The following ANKRD33B variants were observed in gnomAD, a reference collection of about 807,000 sequenced individuals.
ANKRD33B encodes ankyrin repeat domain 33B.
ANKRD33B carries 6 observed loss-of-function variants against 21.5 expected under a neutral mutation model. The ratio of observed to expected loss-of-function variants is 0.28; its 90% CI spans 0.15 to 0.55. The LOEUF (loss-of-function observed/expected upper bound fraction) is 0.55. ANKRD33B is among the 20% of genes least tolerant of loss of function. The pLI is 0.94. For missense variants in ANKRD33B, 698 were observed against 747.2 expected (o/e 0.93, Z 0.77); for synonymous variants, 347 against 342.4 (o/e 1.01, Z -0.15).
chr5:10,630,390 A>G (rs1482390999), intron 2 of ANKRD33B, among the ~76,000 whole-genome samples: 2 of 152,224 alleles, frequency 1.3e-5, no homozygotes, highest in African/African-American at 4.8e-5. Context: ...AGTCTGGATA[A>G]GTACATTTCA....
chr5:10,575,790 T>TCTTGAAATAATG (rs1401863672), intron 1 of ANKRD33B, among the ~76,000 whole-genome samples: 1 of 152,068 alleles, frequency 6.6e-6, no homozygotes, highest in Non-Finnish European at 1.5e-5. Flanking sequence ...GACGTCACAG[T>TCTTGAAATAATG]CTTGAAATAA....
At chr5:10,605,684 A>G (rs1197174950) in intron 1 of ANKRD33B, among the ~76,000 whole-genome samples, 1 of 152,134 alleles carries the variant, frequency 6.6e-6, no homozygotes, top group Non-Finnish European at 1.5e-5. Flanking sequence ...ACTCGCCACC[A>G]TGCCCAGCTA....
At chr5:10,577,528 G>A (rs777233215) in intron 1 of ANKRD33B, among the ~76,000 whole-genome samples, 1 of 152,198 alleles carries the variant, frequency 6.6e-6, no homozygotes, top group Non-Finnish European at 1.5e-5. Context: ...CTATGCACAG[G>A]CAGCTGTGGT....
At chr5:10,615,463 A>C (rs1208134466) in intron 1 of ANKRD33B, among the ~76,000 whole-genome samples, 2 of 152,230 alleles carry the variant, frequency 1.3e-5, no homozygotes, top group African/African-American at 4.8e-5. Context: ...GGATTTGTTA[A>C]ATAATGACAA....
chr5:10,616,125 G>A (rs1217756928), intron 1 of ANKRD33B, among the ~76,000 whole-genome samples: 1 of 152,202 alleles, frequency 6.6e-6, no homozygotes, highest in Non-Finnish European at 1.5e-5. Flanking sequence ...ATGGATGTCA[G>A]TGTTAGAAAA....
chr5:10,616,220 T>C (rs1469798843), intron 1 of ANKRD33B, among the ~76,000 whole-genome samples: 4 of 152,190 alleles, frequency 2.6e-5, no homozygotes, highest in African/African-American at 7.2e-5. Context: ...CTTATTGAGA[T>C]AAGTGGGCAG....
At chr5:10,618,504 G>C in intron 2 of ANKRD33B, 42 bp downstream of exon 2, 2 of 1,482,428 alleles carry the variant, frequency 1.3e-6, no homozygotes, top group Non-Finnish European at 1.8e-6. Flanking sequence ...GCCGTGGCCA[G>C]AGCACCGCCG....
rs1466435184 is a variant in ANKRD33B at position 10,657,152 on chromosome 5, A to G, written c.*7039A>G. 1 of 152,366 alleles carries G rather than the reference A, an allele frequency of 6.6e-6. No individual in the cohort carries two copies. Among genetic ancestry groups the G allele is most frequent in the African/African-American group, 2.4e-5 (1 of 41,448 alleles). 9.4% of individuals were successfully genotyped at this position (152,366 alleles called of 1,614,324 possible). A position where few individuals can be genotyped will look rare whatever the true frequency, so the allele number is the denominator to read the frequency against. ...ATGGATACACCTGATGAAAACCGCA[A>G]AAGGCGATGACAGGCCCAGAAATAT... On this transcript the variant is annotated 3_prime_UTR_variant, in exon 4 of 4. Coordinates refer to ENST00000296657, the MANE Select transcript of ANKRD33B (RefSeq NM_001164440.2).
rs538773705 is a variant in ANKRD33B, at chr5:10,650,297, G to A, written c.*184G>A. ...AAGAGAGGGCTGAGGGAGCCACATG[G>A]ATTCGCTTGTCGCCAGCCCTCCTAG... On this transcript the variant is annotated 3_prime_UTR_variant, in exon 4 of 4. Coordinates refer to ENST00000296657, the MANE Select transcript of ANKRD33B (RefSeq NM_001164440.2). The A allele has an allele frequency of 5.4e-4, 317 of 590,800 alleles. No individual in the cohort carries two copies. The South Asian group carries it at 9.3e-3, about 17-fold the overall frequency. 36.6% of individuals were successfully genotyped at this position (590,800 alleles called of 1,614,324 possible). A position where few individuals can be genotyped will look rare whatever the true frequency, so the allele number is the denominator to read the frequency against.
rs200011949 is a variant in ANKRD33B, at chr5:10,630,884, AAAG to A, written c.497-7135_497-7133del. On this transcript the variant is annotated intron_variant, in intron 2 of 3. Transcript: ENST00000296657. ...TGAGACTGTGTCAAAAAAAAAAAAAAAAGAAGAAGAAATATAATGCTAATAAAT... is the reference window on the plus strand; with the variant it reads ...TGAGACTGTGTCAAAAAAAAAAAAAAAAGAAGAAATATAATGCTAATAAAT... Among the ~76,000 whole-genome samples, 450 of 151,436 alleles carry A rather than the reference AAAG, an allele frequency of 3.0e-3. 4 individuals are homozygous for A. Among genetic ancestry groups the A allele is most frequent in the Admixed American group, 0.012 (176 of 15,244 alleles).
At chr5:10,612,855 C>T (rs948799425) in intron 1 of ANKRD33B, among the ~76,000 whole-genome samples, 12 of 152,188 alleles carry the variant, frequency 7.9e-5, no homozygotes, top group African/African-American at 2.9e-4. Flanking sequence ...CTCATGGCAG[C>T]CTTTTAGAAA....
intron 1 of ANKRD33B, among the ~76,000 whole-genome samples, chr5:10,617,061 G>A (rs1579737222): frequency 6.6e-6 from 1 of 152,138 alleles, no homozygotes; most frequent in African/African-American, 2.4e-5. Context: ...AGCTCTTGAG[G>A]TCCTTTTTAT....
intron 1 of ANKRD33B, among the ~76,000 whole-genome samples, chr5:10,609,278 T>A (rs1324700535): frequency 2.0e-5 from 3 of 152,224 alleles, no homozygotes; most frequent in Non-Finnish European, 4.4e-5. Context: ...ATCAGCCAGG[T>A]GCAGTAGCTC....
chr5:10,620,914 T>C (rs544950116), intron 2 of ANKRD33B, among the ~76,000 whole-genome samples: 2 of 152,350 alleles, frequency 1.3e-5, no homozygotes, highest in South Asian at 4.1e-4. Context: ...CCCACCAGTT[T>C]TTGCCATTGA....
At chr5:10,589,722 T>C (rs1735642190) in intron 1 of ANKRD33B, among the ~76,000 whole-genome samples, 1 of 152,236 alleles carries the variant, frequency 6.6e-6, no homozygotes, top group Admixed American at 6.5e-5. Context: ...TCTGCCTTCT[T>C]TTTCTAATTT....
intron 2 of ANKRD33B, among the ~76,000 whole-genome samples, chr5:10,632,317 A>G (rs1736740904): frequency 6.6e-6 from 1 of 151,998 alleles, no homozygotes; most frequent in South Asian, 2.1e-4. Flanking sequence ...TGAAAAATTT[A>G]ACATTTTCCC....
chr5:10,640,006 ACGTGGAGTTG>A (rs1335429262), intron 3 of ANKRD33B, among the ~76,000 whole-genome samples: 21 of 77,028 alleles, frequency 2.7e-4, no homozygotes, highest in Non-Finnish European at 5.3e-4. Context: ...TTAGCGGGTG[ACGTGGAGTTG>A]CGCGGCGATG....
intron 1 of ANKRD33B, among the ~76,000 whole-genome samples, chr5:10,614,710 A>C (rs1736245332): frequency 6.6e-6 from 1 of 152,224 alleles, no homozygotes; most frequent in Non-Finnish European, 1.5e-5. Context: ...AACATGGTAA[A>C]ACCCTGTCCC....
At chr5:10,579,815 A>G (rs1257278909) in intron 1 of ANKRD33B, among the ~76,000 whole-genome samples, 1 of 152,244 alleles carries the variant, frequency 6.6e-6, no homozygotes, top group Non-Finnish European at 1.5e-5. Context: ...AACCTTTTAA[A>G]TAACAGCTGT....
Sources: allele counts gnomAD v4.1 joint callset (sites outside exome capture counted in the v4.1 genomes callset), GRCh38; gene constraint gnomAD v4.1.1; transcripts MANE v1.5; gene names NCBI Gene and HGNC (gene_info 2026-07-23, HGNC 2026-07-21).